Variants in PCM1 observed in about 807,000 individuals in gnomAD.
The protein encoded by PCM1 is pericentriolar material 1 protein.
Under a neutral mutation model 241.9 loss-of-function variants are expected in PCM1, and 157 were observed. That is an observed-to-expected ratio of 0.65 (90% CI 0.57 to 0.74). The LOEUF (loss-of-function observed/expected upper bound fraction) is 0.74. PCM1 is among the 30% of genes least tolerant of loss of function. The probability of loss-of-function intolerance (pLI) is 0.00; values close to 1 mark genes in which losing one functional copy is unlikely to be tolerated. For synonymous variants in PCM1, 1,085 were observed against 784.9 expected, an observed-to-expected ratio of 1.38 and a Z score of -6.39; for missense variants, 3,478 against 2,360.1, an observed-to-expected ratio of 1.47 and a Z score of -9.81.
At chr8:17,954,495 C>G (rs2067301020) in intron 9 of PCM1, among the ~76,000 whole-genome samples, 1 of 151,762 alleles carries the variant, frequency 6.6e-6, no homozygotes, top group South Asian at 2.1e-4. Context: ...TCCTTGTCGT[C>G]AGTTTTGTAT....
chr8:17,957,636 G>A lies in PCM1; in HGVS notation c.1901G>A (p.Ser634Asn), dbSNP rs761534441. 2.5e-6 allele frequency: 4 copies of A among 1,590,032 alleles called. No homozygotes were observed. Among genetic ancestry groups the A allele is most frequent in the African/African-American group, 2.7e-5 (2 of 74,348 alleles). Residue 634 changes from serine to asparagine, a missense_variant, in exon 13 of 39, where the codon AGT becomes AAT. Coordinates refer to ENST00000325083, the MANE Select transcript of PCM1 (RefSeq NM_006197.4). ...EEEEAEEEGV[S>N]GASLSSHRSS... ...GAAGAAGCAGAAGAGGAGGGAGTCA[G>A]TGGAGCTTCATTATCTAGTCACAGG...
chr8:17,928,745 C>T (rs1454868347), intron 2 of PCM1, among the ~76,000 whole-genome samples: 1 of 151,498 alleles, frequency 6.6e-6, no homozygotes, highest in Non-Finnish European at 1.5e-5. Context: ...GATTCTCCTG[C>T]CTCAGCCTCT....
intron 28 of PCM1, 71 bp from the exon 29 acceptor site, chr8:17,993,412 T>C: frequency 9.7e-7 from 1 of 1,032,696 alleles, no homozygotes; most frequent in Non-Finnish European, 1.3e-6. Flanking sequence ...TTTTTCAAAT[T>C]TCAACATAAA....
chr8:17,965,100 T>G (rs762188024), intron 18 of PCM1, among the ~76,000 whole-genome samples: 3 of 152,200 alleles, frequency 2.0e-5, no homozygotes, highest in Non-Finnish European at 4.4e-5. Flanking sequence ...CTTACTTACG[T>G]TTCCTCATTT....
rs568902860 is a variant in PCM1, at chr8:18,023,039, G to A, written c.5842-2322G>A. Among the ~76,000 whole-genome samples, 22 of 152,244 alleles carry A rather than the reference G, an allele frequency of 1.4e-4. 1 individual carries two copies. Among genetic ancestry groups the A allele is most frequent in the Admixed American group, 1.4e-3 (22 of 15,298 alleles). ...TCATAACCATTCTACCTGGCAGTGT[G>A]CAGATGCAGATATGACAGAGAATAA... On this transcript the variant is annotated intron_variant, in intron 36 of 38. Transcript: ENST00000325083.
chr8:17,957,759 T>A lies in PCM1; in HGVS notation c.2024T>A (p.Leu675His). ...CAGAAACTTAGACAGTTACAAGATC[T>A]TGTTGCTATGGTACAGGTAAATATT... ...AKQKLRQLQDLVAMVQDDDAA... is the reference protein window; with the variant it reads ...AKQKLRQLQDHVAMVQDDDAA... The change falls in exon 13 of 39, where the codon CTT (leucine) becomes CAT (histidine). Residue 675 changes from leucine (L) to histidine (H), a missense_variant. Coordinates refer to ENST00000325083, the MANE Select transcript of PCM1 (RefSeq NM_006197.4). 1 of 1,611,624 alleles carries A rather than the reference T, an allele frequency of 6.2e-7. No individual in the cohort carries two copies. Among genetic ancestry groups the A allele is most frequent in the South Asian group, 1.1e-5 (1 of 91,018 alleles).
Position 17,953,027 on chromosome 8 carries a change from G to T in PCM1, c.1129G>T (p.Val377Phe), listed in dbSNP as rs368862183. Residue 377 changes from valine to phenylalanine, a missense_variant, in exon 9 of 39, where the codon GTT (valine) becomes TTT (phenylalanine). Physicochemically the swap from Val to Phe is conservative, Grantham distance 50 (BLOSUM62 -1). Coordinates refer to ENST00000325083, the MANE Select transcript of PCM1 (RefSeq NM_006197.4). ...AGAAAGTCTTTCATTAACTAGGGAG[G>T]TTTCCCAGAGCAGGAAACCATCAGC... ...QAESLSLTRE[V>F]SQSRKPSASE... 6.2e-7 allele frequency: 1 copy of T among 1,608,968 alleles called. No homozygotes were observed.
In PCM1 at chr8:17,950,595, A is replaced by G; in HGVS notation, c.962-20A>G. The G allele has an allele frequency of 1.7e-6, 2 of 1,172,376 alleles. No individual in the cohort carries two copies. Among genetic ancestry groups the G allele is most frequent in the South Asian group, 1.3e-5 (1 of 77,874 alleles). The allele number at this position is 1,172,376 out of a possible 1,614,324, so 72.6% of individuals were successfully genotyped here. On this transcript the variant is annotated intron_variant, in intron 7 of 38. Transcript: ENST00000325083. ...TGTTTGATTATTTACATTAATCAGT[A>G]GTTACTAATTTCTTTCCAGTTGTTG...
chr8:17,940,091 G>C, intron 6 of PCM1: 1 of 1,581,544 alleles, frequency 6.3e-7, no homozygotes, highest in South Asian at 1.1e-5. Context: ...TCAGCTGTGG[G>C]ATCTGGTTCT....
At chr8:18,005,751 G>A (rs189290914) in intron 29 of PCM1, among the ~76,000 whole-genome samples, 1 of 152,138 alleles carries the variant, frequency 6.6e-6, no homozygotes, top group Non-Finnish European at 1.5e-5. Context: ...TGTCGAGGTG[G>A]TGTAGGGAGG....
intron 24 of PCM1, among the ~76,000 whole-genome samples, chr8:17,983,509 A>G (rs561559658): frequency 7.9e-5 from 12 of 152,324 alleles, no homozygotes; most frequent in African/African-American, 2.9e-4. Context: ...CTGTTAGTGT[A>G]TGTAACCTAA....
intron 22 of PCM1, among the ~76,000 whole-genome samples, chr8:17,970,198 A>G (rs2076372327): frequency 6.6e-6 from 1 of 152,066 alleles, no homozygotes; most frequent in Non-Finnish European, 1.5e-5. Flanking sequence ...AGTTTTGAGG[A>G]TGCATGGTAT....
chr8:17,969,896 A>T, intron 22 of PCM1, 148 bp downstream of exon 22: 1 of 628,070 alleles, frequency 1.6e-6, no homozygotes, highest in Middle Eastern at 4.2e-4. Flanking sequence ...ACGTATCAGT[A>T]GATGAGATGC....
intron 29 of PCM1, among the ~76,000 whole-genome samples, chr8:17,998,475 G>A (rs191375475): frequency 2.6e-4 from 40 of 152,258 alleles, no homozygotes; most frequent in African/African-American, 7.0e-4. Context: ...ATTACCAGGT[G>A]GAGACTTCTG....
rs1358010398 is a variant in PCM1, at chr8:18,029,652, T to A, written c.*1990T>A. 1.0e-5 allele frequency: 2 copies of A among 200,590 alleles called. No individual in the cohort carries two copies. Among genetic ancestry groups the A allele is most frequent in the Non-Finnish European group, 2.1e-5 (2 of 97,394 alleles). 12.4% of individuals were successfully genotyped at this position (200,590 alleles called of 1,614,324 possible). A position where few individuals can be genotyped will look rare whatever the true frequency, so the allele number is the denominator to read the frequency against. On this transcript the variant is annotated 3_prime_UTR_variant, in exon 39 of 39. Transcript: ENST00000325083. ...TTCTATTTTAGTAGATAATTTAGTTTTAAAATACGTAGGGTTTGAGAGCAG... is the reference window on the plus strand; with the variant it reads ...TTCTATTTTAGTAGATAATTTAGTTATAAAATACGTAGGGTTTGAGAGCAG...
At chr8:17,963,382 C>A in intron 17 of PCM1, 91 bp downstream of exon 17, 1 of 831,624 alleles carries the variant, frequency 1.2e-6, no homozygotes, top group Non-Finnish European at 1.9e-6. Flanking sequence ...CTCTACATCA[C>A]AGCACAAATC....
At chr8:17,929,288 G>A (rs546286322) in intron 2 of PCM1, among the ~76,000 whole-genome samples, 11 of 152,210 alleles carry the variant, frequency 7.2e-5, no homozygotes, top group African/African-American at 2.2e-4. Flanking sequence ...TTTCCCTCCT[G>A]TCTTTCTGTA....
chr8:17,980,851 G>GT lies in PCM1; in HGVS notation c.4108+97dup, dbSNP rs538162630. 7,987 of 833,804 alleles carry GT rather than the reference G, an allele frequency of 9.6e-3. 56 individuals carry two copies. The highest frequency in any genetic ancestry group is 0.013 in the Middle Eastern group (35 of 2,784). The allele number at this position is 833,804 out of a possible 1,614,324, so 51.7% of individuals were successfully genotyped here. On this transcript the variant is annotated intron_variant, in intron 24 of 38. Coordinates refer to ENST00000325083, the MANE Select transcript of PCM1 (RefSeq NM_006197.4). Reference sequence around the variant, plus strand: ...AGGTGTTAAAATTGGTGTTTCACACGTATCTATCATGTGGAAGGTTTTATA... The same window carrying GT: ...AGGTGTTAAAATTGGTGTTTCACACGTTATCTATCATGTGGAAGGTTTTATA...
intron 1 of PCM1, among the ~76,000 whole-genome samples, chr8:17,923,818 A>G (rs1420186557): frequency 6.6e-6 from 1 of 151,656 alleles, no homozygotes. Flanking sequence ...CTTCCTACCT[A>G]TCTAGTTAGA....
Sources: allele counts gnomAD v4.1 joint callset (sites outside exome capture counted in the v4.1 genomes callset), GRCh38; gene constraint gnomAD v4.1.1; transcripts MANE v1.5; gene names NCBI Gene and HGNC (gene_info 2026-07-23, HGNC 2026-07-21).